Variants in NT5C3B observed in about 807,000 individuals in gnomAD.
The protein encoded by NT5C3B is 7-methylguanosine phosphate-specific 5'-nucleotidase.
In NT5C3B, 28 loss-of-function variants were observed where a neutral mutation model predicts 32.5. The ratio of observed to expected loss-of-function variants is 0.86; its 90% confidence interval spans 0.64 to 1.18. The LOEUF (loss-of-function observed/expected upper bound fraction) is 1.18. Among genes scored for constraint, NT5C3B ranks in the 50% most tolerant of loss-of-function variants. The probability of loss-of-function intolerance (pLI) is 0.00; values close to 1 mark genes in which losing one functional copy is unlikely to be tolerated. For synonymous variants in NT5C3B, 138 were observed against 118.0 expected, an observed-to-expected ratio of 1.17 and a Z score of -1.10; for missense variants, 317 against 322.0, an observed-to-expected ratio of 0.98 and a Z score of 0.12.
At chr17:41,833,598 C>T (rs990836702) in intron 4 of NT5C3B, among the ~76,000 whole-genome samples, 3 of 152,096 alleles carry the variant, frequency 2.0e-5, no homozygotes, top group Admixed American at 1.3e-4. Flanking sequence ...GGATTACAGG[C>T]GTGAACCACC....
At chr17:41,835,341 G>A (rs1268295157) in intron 2 of NT5C3B, 69 bp from the exon 3 acceptor site, 1 of 1,352,272 alleles carries the variant, frequency 7.4e-7, no homozygotes, top group African/African-American at 1.4e-5. Context: ...CCTCAGCCTG[G>A]GGGATGATTA....
chr17:41,827,778 G>A, intron 7 of NT5C3B, 152 bp from the exon 8 acceptor site: 1 of 610,534 alleles, frequency 1.6e-6, no homozygotes, highest in African/African-American at 1.8e-5. Context: ...CCATGGGCCA[G>A]ACTTGGCCTG....
intron 4 of NT5C3B, 58 bp downstream of exon 4, chr17:41,835,012 G>A (rs1555619601): frequency 6.6e-7 from 1 of 1,519,996 alleles, no homozygotes; most frequent in Admixed American, 1.7e-5. Context: ...TTCCAATCAG[G>A]AACCATTTGA....
At position 41,825,618 on chromosome 17, in the gene NT5C3B, T is replaced by C. The variant is rs982191469; in HGVS notation, c.808A>G (p.Ile270Val). 2.9e-5 allele frequency: 25 copies of C among 872,676 alleles called. No homozygotes were observed. The highest frequency in any genetic ancestry group is 4.6e-5 in the Non-Finnish European group (23 of 501,674). The allele number at this position is 872,676 out of a possible 1,614,324, so 54.1% of individuals were successfully genotyped here. A position where few individuals can be genotyped will look rare whatever the true frequency, so the allele number is the denominator to read the frequency against. The change falls in exon 9 of 9, where the codon ATC (isoleucine) becomes GTC (valine). Residue 270 changes from isoleucine (I) to valine (V), a missense_variant. By Grantham distance (29) the Ile-to-Val change is conservative. Coordinates refer to ENST00000435506, the MANE Select transcript of NT5C3B (RefSeq NM_052935.5). ...RRERYMDSYD[I>V]VLEKDETLDV... The stretch of plus-strand genomic sequence containing the variant: ...AGAGTCTCGTCCTTCTCCAGCACGA[T>C]GTCATAGGAGTCCATGTAGCGCTCC...
Position 41,827,500 on chromosome 17 carries a change from T to TAA in NT5C3B, c.693_694insTT (p.Ile232LeufsTer23). On this transcript the variant is annotated frameshift_variant, in exon 8 of 9. Coordinates refer to ENST00000435506, the MANE Select transcript of NT5C3B (RefSeq NM_052935.5). LOFTEE classifies it high-confidence loss of function. ...CCATCGGCCATGGTGAGGTCCCCGA[T>TAA]AGAGTCTCCCAGCAGGATGACATTG... 1.1e-6 allele frequency: 1 copy of TAA among 872,964 alleles called. No individual in the cohort carries two copies. Among genetic ancestry groups the TAA allele is most frequent in the Non-Finnish European group, 2.0e-6 (1 of 501,686 alleles). 54.1% of individuals were successfully genotyped at this position (872,964 alleles called of 1,614,324 possible).
At chr17:41,834,542 T>C (rs2048110508) in intron 4 of NT5C3B, among the ~76,000 whole-genome samples, 2 of 151,758 alleles carry the variant, frequency 1.3e-5, no homozygotes, top group Non-Finnish European at 2.9e-5. Flanking sequence ...AGCTCAGGAG[T>C]TCAAGACCAA....
chr17:41,835,102 T>A lies in NT5C3B; in HGVS notation c.196A>T (p.Ser66Cys), dbSNP rs782021924. The change falls in exon 4 of 9, where the codon AGC (serine) becomes TGC (cysteine). Residue 66 changes from serine to cysteine, a missense_variant. Physicochemically the swap from Ser to Cys is moderately radical, Grantham distance 112 (BLOSUM62 -1). Coordinates refer to ENST00000435506, the MANE Select transcript of NT5C3B (RefSeq NM_052935.5). ...CGACACTCCTCACTGATGATCTTGC[T>A]ATTATCCAGAATATCTGGAAAAAGA... ...CPSSYNILDN[S>C]KIISEECRKE... 4.4e-5 allele frequency: 71 copies of A among 1,614,106 alleles called. No homozygotes were observed. The highest frequency in any genetic ancestry group is 5.8e-5 in the Non-Finnish European group (68 of 1,180,032).
rs185541414 is a variant in NT5C3B at position 41,825,944 on chromosome 17, A to T, written c.769-287T>A. On this transcript the variant is annotated intron_variant, in intron 8 of 8. Coordinates refer to ENST00000435506, the MANE Select transcript of NT5C3B (RefSeq NM_052935.5). ...TTTGGGAGGCTGAGGCAGAAGGATC[A>T]TCTGAGCCCAAGAGTTTGAGACCAG... is the stretch of plus-strand genomic sequence containing the variant. Among the ~76,000 whole-genome samples the T allele has an allele frequency of 2.6e-5, 4 of 152,288 alleles. No homozygotes were observed. In the East Asian group the frequency reaches 7.7e-4, roughly 29 times the overall value.
intron 2 of NT5C3B, chr17:41,835,642 T>C (rs782583037): frequency 1.1e-5 from 8 of 705,862 alleles, no homozygotes; most frequent in Non-Finnish European, 2.1e-5. Context: ...GTGGGCGCCT[T>C]CTGTCCAATT....
At chr17:41,836,015 C>T in intron 1 of NT5C3B, 58 bp from the exon 2 acceptor site, 1 of 1,468,520 alleles carries the variant, frequency 6.8e-7, no homozygotes, top group Non-Finnish European at 9.0e-7. Context: ...CCGAGGGGAG[C>T]CCGGGGCTCG....
At chr17:41,829,874 G>C (rs1340298382) in intron 6 of NT5C3B, among the ~76,000 whole-genome samples, 2 of 152,108 alleles carry the variant, frequency 1.3e-5, no homozygotes, top group African/African-American at 2.4e-5. Context: ...GTAGGCATAT[G>C]TTTTCTGTTG....
intron 4 of NT5C3B, among the ~76,000 whole-genome samples, chr17:41,833,281 G>T (rs983968381): frequency 2.0e-5 from 3 of 151,992 alleles, no homozygotes; most frequent in African/African-American, 7.2e-5. Context: ...ATGGAGAAGC[G>T]CTTTTCAACT....
At chr17:41,833,336 G>C (rs201316517) in intron 4 of NT5C3B, among the ~76,000 whole-genome samples, 1 of 53,610 alleles carries the variant, frequency 1.9e-5, no homozygotes. Flanking sequence ...TTTTTTTTTT[G>C]AGACAAGTCT....
chr17:41,832,162 G>A (rs1041088151), intron 5 of NT5C3B, among the ~76,000 whole-genome samples: 2 of 152,146 alleles, frequency 1.3e-5, no homozygotes, highest in African/African-American at 2.4e-5. Context: ...AACACCAAGC[G>A]TCTTTAACTT....
chr17:41,827,066 G>A (rs1176676828), intron 8 of NT5C3B, among the ~76,000 whole-genome samples: 1 of 151,396 alleles, frequency 6.6e-6, no homozygotes, highest in Admixed American at 6.6e-5. Flanking sequence ...CAGCACTTTT[G>A]GAGGCCAAGG....
At position 41,828,842 on chromosome 17, in the gene NT5C3B, A is replaced by G. The variant is rs782602545; in HGVS notation, c.515T>C (p.Val172Ala). ...CACGATGTGGATGTTGGGGTGGAAC[A>G]CTTTCATCTGTCGGATAATTTCTTC... Reference protein sequence around the residue: ...ILEEIIRQMKVFHPNIHIVSN... With the variant: ...ILEEIIRQMKAFHPNIHIVSN... Residue 172 changes from valine (V) to alanine (A), a missense_variant, in exon 7 of 9, where the codon GTG (valine) becomes GCG (alanine). Coordinates refer to ENST00000435506, the MANE Select transcript of NT5C3B (RefSeq NM_052935.5). 1.2e-6 allele frequency: 2 copies of G among 1,613,882 alleles called. No individual in the cohort carries two copies. Among genetic ancestry groups the G allele is most frequent in the Admixed American group, 1.7e-5 (1 of 59,958 alleles).
chr17:41,826,786 A>C (rs1484015478), intron 8 of NT5C3B, among the ~76,000 whole-genome samples: 1 of 152,044 alleles, frequency 6.6e-6, no homozygotes, highest in Non-Finnish European at 1.5e-5. Flanking sequence ...AGATCACCTG[A>C]GGTCGGGAGT....
chr17:41,827,383 A>G (rs782238058), intron 8 of NT5C3B, 43 bp downstream of exon 8: 1 of 834,786 alleles, frequency 1.2e-6, no homozygotes, highest in East Asian at 2.4e-5. Context: ...GCATTCAAAG[A>G]GAAGAAAGAC....
At chr17:41,830,962 G>A in intron 5 of NT5C3B, 72 bp from the exon 6 acceptor site, 1 of 965,328 alleles carries the variant, frequency 1.0e-6, no homozygotes, top group East Asian at 2.4e-5. Flanking sequence ...TCCCTTTACA[G>A]AGCCAAGTAC....
Sources: gnomAD v4.1 joint callset for allele counts (sites outside exome capture counted in the v4.1 genomes callset) on GRCh38, gnomAD v4.1.1 for gene constraint, MANE v1.5 for transcripts, NCBI Gene and HGNC (gene_info 2026-07-23, HGNC 2026-07-21) for gene names.